TAMM41: variants seen among roughly 807,000 people sequenced by gnomAD.
TAMM41 encodes the protein phosphatidate cytidylyltransferase, mitochondrial.
In TAMM41, 36 loss-of-function variants were observed where a neutral mutation model predicts 44.1. The ratio of observed to expected loss-of-function variants is 0.82; its 90% CI spans 0.63 to 1.08. The LOEUF is 1.08. Among genes scored for constraint, TAMM41 ranks in the 50% least tolerant of loss-of-function variants. TAMM41 has a pLI of 0.00. For missense variants in TAMM41, 417 were observed against 404.3 expected (o/e 1.03, Z -0.27); for synonymous variants, 164 against 153.1 (o/e 1.07, Z -0.53).
At chr3:11,724,435 A>G in the TAMM41 span, among the ~76,000 whole-genome samples, 1 of 127,656 alleles carries the variant, frequency 7.8e-6, no homozygotes, top group Non-Finnish European at 1.7e-5. Flanking sequence ...TTTTATTTTG[A>G]GACAGAGTCT....
the TAMM41 span, among the ~76,000 whole-genome samples, chr3:11,755,542 C>T: frequency 6.2e-3 from 946 of 152,284 alleles, 7 homozygotes; most frequent in Non-Finnish European, 9.6e-3. Flanking sequence ...GGAATTCACA[C>T]GAGGAGAACT....
chr3:11,773,107 C>T, the TAMM41 span, among the ~76,000 whole-genome samples: 1 of 152,070 alleles, frequency 6.6e-6, no homozygotes, highest in Admixed American at 6.6e-5. Flanking sequence ...CAGGCACACA[C>T]CACCATGTCC....
chr3:11,755,477 C>T, the TAMM41 span, among the ~76,000 whole-genome samples: 8 of 152,126 alleles, frequency 5.3e-5, no homozygotes, highest in South Asian at 2.1e-4. Flanking sequence ...GAGGATGGTA[C>T]GGTGCTTCAA....
intron 5 of TAMM41, among the ~76,000 whole-genome samples, chr3:11,814,830 G>A (rs566178748): frequency 6.6e-6 from 1 of 152,210 alleles, no homozygotes; most frequent in Non-Finnish European, 1.5e-5. Flanking sequence ...GCGTGGTGGC[G>A]CGTGCCTGTA....
At chr3:11,804,901 G>A (rs997134320) in intron 7 of TAMM41, among the ~76,000 whole-genome samples, 1 of 147,498 alleles carries the variant, frequency 6.8e-6, no homozygotes, top group African/African-American at 2.5e-5. Flanking sequence ...GTCTCACTCT[G>A]TCACCCAGAC....
rs11419189 is a variant in TAMM41, at chr3:11,818,897, C to CAA, written c.563-1562_563-1561dup. Among the ~76,000 whole-genome samples the CAA allele has an allele frequency of 2.9e-3, 282 of 97,080 alleles. 4 individuals carry two copies. Among genetic ancestry groups the CAA allele is most frequent in the African/African-American group, 7.5e-3 (237 of 31,626 alleles). The allele number at this position is 97,080 out of a possible 152,430, so 63.7% of individuals were successfully genotyped here. ...TGGGTGATGAAGCAAGACTCCATCT[C>CAA]AAAAAAAAAAAAAAAAGACTTCTAA... On this transcript the variant is annotated intron_variant, in intron 4 of 7. Coordinates refer to ENST00000455809, the MANE Select transcript of TAMM41 (RefSeq NM_001284401.2).
At chr3:11,817,492 C>G (rs947536083) in intron 4 of TAMM41, among the ~76,000 whole-genome samples, 155 bp from the exon 5 acceptor site, 1 of 152,274 alleles carries the variant, frequency 6.6e-6, no homozygotes, top group Admixed American at 6.5e-5. Flanking sequence ...GACACTTTAC[C>G]CCAAGAAATG....
intron 1 of TAMM41, 54 bp from the exon 2 acceptor site, chr3:11,844,265 A>G: frequency 2.6e-6 from 4 of 1,558,294 alleles, no homozygotes; most frequent in Non-Finnish European, 2.6e-6. Flanking sequence ...GAAAGGCAGC[A>G]AGAGAGCATG....
chr3:11,819,692 C>T (rs932207734), intron 4 of TAMM41, among the ~76,000 whole-genome samples: 9 of 151,622 alleles, frequency 5.9e-5, no homozygotes, highest in Middle Eastern at 3.4e-3. Flanking sequence ...CTCAGGAGTT[C>T]GAGACCAGCC....
intron 3 of TAMM41, among the ~76,000 whole-genome samples, chr3:11,831,549 C>T (rs751457992): frequency 7.9e-5 from 12 of 152,102 alleles, no homozygotes; most frequent in Non-Finnish European, 1.6e-4. Flanking sequence ...TCTACCTATT[C>T]TAGAAAACAG....
At chr3:11,770,849 C>T in the TAMM41 span, among the ~76,000 whole-genome samples, 1 of 152,172 alleles carries the variant, frequency 6.6e-6, no homozygotes, top group Non-Finnish European at 1.5e-5. Flanking sequence ...TTCTAGGGTC[C>T]TCTTTTGTGT....
chr3:11,796,832 T>C (rs2077617576), intron 7 of TAMM41, among the ~76,000 whole-genome samples: 1 of 152,134 alleles, frequency 6.6e-6, no homozygotes. Context: ...CAAAAATCAA[T>C]GTGCAAAAAT....
the TAMM41 span, among the ~76,000 whole-genome samples, chr3:11,738,528 G>A: frequency 1.2e-4 from 19 of 152,168 alleles, no homozygotes; most frequent in Non-Finnish European, 2.6e-4. Flanking sequence ...CAGAGACAGC[G>A]CTGGAACCAG....
chr3:11,746,083 G>A, the TAMM41 span, among the ~76,000 whole-genome samples: 2 of 152,064 alleles, frequency 1.3e-5, no homozygotes, highest in African/African-American at 4.8e-5. Flanking sequence ...GGTGGATCAC[G>A]AGGTCAGGAG....
the TAMM41 span, among the ~76,000 whole-genome samples, chr3:11,758,831 G>A: frequency 3.3e-5 from 5 of 151,938 alleles, no homozygotes; most frequent in African/African-American, 9.7e-5. Flanking sequence ...GCACCACCAC[G>A]CCCGGCTAAT....
chr3:11,823,993 T>C (rs2078637727), intron 4 of TAMM41, among the ~76,000 whole-genome samples: 1 of 151,438 alleles, frequency 6.6e-6, no homozygotes, highest in South Asian at 2.1e-4. Flanking sequence ...ATCCAACTAA[T>C]TTTTTGTATT....
At chr3:11,732,662 G>A in the TAMM41 span, among the ~76,000 whole-genome samples, 1 of 152,200 alleles carries the variant, frequency 6.6e-6, no homozygotes. Flanking sequence ...CTCCAGTAGG[G>A]TGATCAAGGA....
the TAMM41 span, among the ~76,000 whole-genome samples, chr3:11,772,266 A>G: frequency 1.4e-5 from 2 of 140,422 alleles, no homozygotes; most frequent in Non-Finnish European, 3.0e-5. Context: ...TAGTTTTAGT[A>G]GAGACGGGCT....
the TAMM41 span, among the ~76,000 whole-genome samples, chr3:11,752,625 CTTTTT>C: frequency 3.0e-4 from 12 of 39,948 alleles, no homozygotes; most frequent in Admixed American, 6.5e-4. Flanking sequence ...TCTTACAAAG[CTTTTT>C]TTTTTTTTTT....
Sources: gnomAD v4.1 joint callset for allele counts (sites outside exome capture counted in the v4.1 genomes callset) on GRCh38, gnomAD v4.1.1 for gene constraint, MANE v1.5 for transcripts, NCBI Gene and HGNC (gene_info 2026-07-23, HGNC 2026-07-21) for gene names.